The following MAGI2 variants were observed in gnomAD, a reference collection of about 807,000 sequenced individuals.
The protein encoded by MAGI2 is membrane associated guanylate kinase, WW and PDZ domain containing 2, also known as membrane-associated guanylate kinase, WW and PDZ domain-containing protein 2.
In MAGI2, 35 loss-of-function variants were observed where a neutral mutation model predicts 133.3. That is an observed-to-expected ratio of 0.26 (90% CI 0.20 to 0.35). The LOEUF (loss-of-function observed/expected upper bound fraction) is 0.35, where lower values mean the gene tolerates loss of function less well. Among genes scored for constraint, MAGI2 ranks in the 10% least tolerant of loss-of-function variants. The pLI is 1.00. For missense variants in MAGI2, 1,636 were observed against 1,863.4 expected (o/e 0.88, Z 2.25); for synonymous variants, 729 against 710.6 (o/e 1.03, Z -0.41).
intron 2 of MAGI2, among the ~76,000 whole-genome samples, chr7:78,850,222 G>A (rs1793013882): frequency 6.6e-6 from 1 of 152,042 alleles, no homozygotes; most frequent in African/African-American, 2.4e-5. Flanking sequence ...ACTTACAGAG[G>A]TTAAGTATCT....
intron 1 of MAGI2, among the ~76,000 whole-genome samples, chr7:79,400,254 A>C (rs942514901): frequency 2.6e-5 from 4 of 152,182 alleles, no homozygotes; most frequent in African/African-American, 7.2e-5. Context: ...TCACATTTCA[A>C]CTTTCTGTTG....
intron 20 of MAGI2, among the ~76,000 whole-genome samples, chr7:78,093,859 A>G (rs537908156): frequency 6.6e-6 from 1 of 152,322 alleles, no homozygotes; most frequent in South Asian, 2.1e-4. Flanking sequence ...TGGACCCTTC[A>G]TAATAATTAG....
At chr7:79,270,961 G>T (rs1002526848) in intron 1 of MAGI2, among the ~76,000 whole-genome samples, 1 of 151,718 alleles carries the variant, frequency 6.6e-6, no homozygotes, top group Non-Finnish European at 1.5e-5. Flanking sequence ...ACACTATCTT[G>T]GTATTTTTTT....
intron 16 of MAGI2, among the ~76,000 whole-genome samples, chr7:78,144,330 C>G (rs1172904512): frequency 6.6e-6 from 1 of 152,080 alleles, no homozygotes; most frequent in African/African-American, 2.4e-5. Context: ...CTCATTTTAT[C>G]AATGTTAGTC....
chr7:78,159,530 G>C (rs369734979), intron 16 of MAGI2, among the ~76,000 whole-genome samples: 1 of 152,138 alleles, frequency 6.6e-6, no homozygotes, highest in Non-Finnish European at 1.5e-5. Flanking sequence ...CTTGCTCCCC[G>C]TACTACAGCT....
intron 18 of MAGI2, among the ~76,000 whole-genome samples, chr7:78,128,934 C>T (rs993597343): frequency 6.6e-6 from 1 of 152,190 alleles, no homozygotes; most frequent in Admixed American, 6.5e-5. Flanking sequence ...AGATGCTTAA[C>T]TATGCAAATG....
chr7:78,739,327 G>C (rs1822169628), intron 2 of MAGI2, among the ~76,000 whole-genome samples: 1 of 152,160 alleles, frequency 6.6e-6, no homozygotes, highest in African/African-American at 2.4e-5. Flanking sequence ...TTGGGGTTGC[G>C]GGTAGGTAGC....
intron 2 of MAGI2, among the ~76,000 whole-genome samples, chr7:78,686,295 T>C (rs913878497): frequency 2.6e-5 from 4 of 152,160 alleles, no homozygotes; most frequent in Admixed American, 1.3e-4. Context: ...AGGAATCCAC[T>C]GCCATGATTT....
chr7:78,157,274 C>T (rs1824491440), intron 16 of MAGI2, among the ~76,000 whole-genome samples: 1 of 152,102 alleles, frequency 6.6e-6, no homozygotes, highest in Non-Finnish European at 1.5e-5. Flanking sequence ...TGAAGAAAAG[C>T]CATGAAGCAT....
At chr7:78,818,044 G>C (rs538548896) in intron 2 of MAGI2, among the ~76,000 whole-genome samples, 1 of 152,254 alleles carries the variant, frequency 6.6e-6, no homozygotes, top group South Asian at 2.1e-4. Flanking sequence ...AGTTGTGCCT[G>C]TATGGTAAAA....
chr7:78,521,771 CAT>C (rs563592729), intron 3 of MAGI2, 126 bp from the exon 4 acceptor site: 85 of 664,200 alleles, frequency 1.3e-4, no homozygotes, highest in Middle Eastern at 3.6e-4. Context: ...TAGACACATA[CAT>C]ATATATATAT....
intron 1 of MAGI2, among the ~76,000 whole-genome samples, chr7:79,393,361 A>C (rs1458814561): frequency 6.6e-6 from 1 of 152,152 alleles, no homozygotes; most frequent in Non-Finnish European, 1.5e-5. Context: ...TTAAAATTTG[A>C]TTTTTTATTT....
Position 79,052,768 on chromosome 7 carries a change from T to C in MAGI2, c.302-45562A>G, listed in dbSNP as rs565407524. On this transcript the variant is annotated intron_variant, in intron 1 of 21. Coordinates refer to ENST00000354212, the MANE Select transcript of MAGI2 (RefSeq NM_012301.4). Reference sequence around the variant, plus strand: ...TAAGACTGAAAATCAACTGCTAATTTCTTCTTATAACTTGAAGGCACATAA... The same window carrying C: ...TAAGACTGAAAATCAACTGCTAATTCCTTCTTATAACTTGAAGGCACATAA... Among the ~76,000 whole-genome samples, 43 of 152,312 alleles carry C rather than the reference T, an allele frequency of 2.8e-4. No individual in the cohort carries two copies. In the South Asian group the frequency reaches 8.7e-3, roughly 31 times the overall value.
chr7:78,915,837 G>T (rs2151624728), intron 2 of MAGI2, among the ~76,000 whole-genome samples: 1 of 151,902 alleles, frequency 6.6e-6, no homozygotes, highest in African/African-American at 2.4e-5. Context: ...GGCAAGGAGT[G>T]GGGGACTGCT....
chr7:78,607,253 T>C (rs982020282), intron 3 of MAGI2, among the ~76,000 whole-genome samples: 2 of 152,098 alleles, frequency 1.3e-5, no homozygotes, highest in African/African-American at 4.8e-5. Context: ...TAGGGGGCAG[T>C]CATGTCACCC....
intron 3 of MAGI2, among the ~76,000 whole-genome samples, chr7:78,578,258 T>C (rs896977299): frequency 1.3e-5 from 2 of 151,970 alleles, no homozygotes; most frequent in Non-Finnish European, 2.9e-5. Context: ...AAGAACCCTA[T>C]GGAAGAAAAG....
chr7:78,932,839 T>G (rs1212836760), intron 2 of MAGI2, among the ~76,000 whole-genome samples: 1 of 152,140 alleles, frequency 6.6e-6, no homozygotes. Flanking sequence ...ACTATAATGC[T>G]GATGAAACAT....
At chr7:79,154,055 C>A (rs1446067030) in intron 1 of MAGI2, among the ~76,000 whole-genome samples, 1 of 151,842 alleles carries the variant, frequency 6.6e-6, no homozygotes, top group African/African-American at 2.4e-5. Context: ...TTTTTGGAAC[C>A]TTTAACATTT....
intron 1 of MAGI2, among the ~76,000 whole-genome samples, chr7:79,039,853 T>TTAC (rs1811473583): frequency 7.0e-6 from 1 of 142,938 alleles, no homozygotes; most frequent in Non-Finnish European, 1.5e-5. Context: ...TATACATATA[T>TTAC]ATTATATATA....
Sources: gnomAD v4.1 joint callset for allele counts (sites outside exome capture counted in the v4.1 genomes callset) on GRCh38, gnomAD v4.1.1 for gene constraint, MANE v1.5 for transcripts, NCBI Gene and HGNC (gene_info 2026-07-23, HGNC 2026-07-21) for gene names.